The following KAZN variants were observed in gnomAD, a reference collection of about 807,000 sequenced individuals.
KAZN encodes the protein kazrin.
KAZN carries 40 observed loss-of-function variants against 87.4 expected under a neutral mutation model. That is an observed-to-expected ratio of 0.46 (90% CI 0.36 to 0.60). The LOEUF (loss-of-function observed/expected upper bound fraction) is 0.60, where lower values mean the gene tolerates loss of function less well. Ranked by LOEUF, KAZN falls within the 20% of genes least tolerant of loss-of-function variation. The pLI is 0.00. For missense variants in KAZN, 898 were observed against 1,073.9 expected, an observed-to-expected ratio of 0.84 and a Z score of 2.29; for synonymous variants, 466 against 458.3, an observed-to-expected ratio of 1.02 and a Z score of -0.22.
At chr1:14,120,007 T>G (rs1170436957) in intron 1 of KAZN, among the ~76,000 whole-genome samples, 1 of 152,180 alleles carries the variant, frequency 6.6e-6, no homozygotes, top group Non-Finnish European at 1.5e-5. Flanking sequence ...GTTCACACTC[T>G]GCTAGACTAG....
At chr1:14,871,681 T>TGTGCAC (rs756984653) in intron 1 of KAZN, among the ~76,000 whole-genome samples, 5 of 150,992 alleles carry the variant, frequency 3.3e-5, no homozygotes, top group Non-Finnish European at 7.4e-5. Context: ...TGTGTGTGTG[T>TGTGCAC]GCACCTGCAT....
intron 1 of KAZN, among the ~76,000 whole-genome samples, chr1:14,110,385 T>A (rs1644475519): frequency 6.6e-6 from 1 of 152,204 alleles, no homozygotes; most frequent in Admixed American, 6.5e-5. Context: ...TATAACTCTC[T>A]AAGAATTTAG....
chr1:14,198,848 A>T (rs1646581851), intron 2 of KAZN, among the ~76,000 whole-genome samples: 2 of 152,146 alleles, frequency 1.3e-5, no homozygotes, highest in Admixed American at 6.5e-5. Context: ...GAGAAAAGGG[A>T]TGCCCAGAGA....
At chr1:15,024,992 T>C (rs1671035840) in intron 2 of KAZN, among the ~76,000 whole-genome samples, 1 of 152,106 alleles carries the variant, frequency 6.6e-6, no homozygotes, top group African/African-American at 2.4e-5. Context: ...AAAAACAAGA[T>C]GTCCTCTGCC....
At chr1:14,042,692 T>G (rs1459358104) in intron 1 of KAZN, among the ~76,000 whole-genome samples, 3 of 152,194 alleles carry the variant, frequency 2.0e-5, no homozygotes, top group African/African-American at 7.2e-5. Context: ...GGGACAGATA[T>G]TTCTTCATTT....
chr1:14,933,093 T>C lies in KAZN; in HGVS notation c.227-27591T>C, dbSNP rs7536538. Reference sequence around the variant, plus strand: ...CCGTAGTTGCAGGGTTCTGCACTATTTATTTCTTTATTTATGAGATGGAGT... The same window carrying C: ...CCGTAGTTGCAGGGTTCTGCACTATCTATTTCTTTATTTATGAGATGGAGT... On this transcript the variant is annotated intron_variant, in intron 1 of 14. Coordinates refer to ENST00000376030, the MANE Select transcript of KAZN (RefSeq NM_201628.3). 5.0e-3 allele frequency among the ~76,000 whole-genome samples: 767 copies of C among 152,230 alleles called. 3 individuals are homozygous for C. Among genetic ancestry groups the C allele is most frequent in the East Asian group, 0.03 (156 of 5,176 alleles).
intron 2 of KAZN, among the ~76,000 whole-genome samples, chr1:14,384,154 T>C (rs1267342299): frequency 6.0e-5 from 9 of 149,980 alleles, no homozygotes; most frequent in Admixed American, 2.0e-4. Context: ...GTGATTTTTG[T>C]ACATTGATTT....
rs992687185 is a variant in KAZN at position 14,738,250 on chromosome 1, C to T, written c.226+139027C>T. Among the ~76,000 whole-genome samples, 3 of 152,170 alleles carry T rather than the reference C, an allele frequency of 2.0e-5. No homozygotes were observed. In the South Asian group the frequency reaches 6.2e-4, roughly 32 times the overall value. On this transcript the variant is annotated intron_variant, in intron 1 of 14. Coordinates refer to ENST00000376030, the MANE Select transcript of KAZN (RefSeq NM_201628.3). ...TGGGATGGGAGTCCCAAAGGCACCA[C>T]CTCAATTTCAGCATGATTTGCCTGT...
chr1:14,805,071 G>C (rs545249368), intron 1 of KAZN, among the ~76,000 whole-genome samples: 41 of 152,358 alleles, frequency 2.7e-4, no homozygotes, highest in African/African-American at 9.6e-4. Context: ...AACCGTACCT[G>C]TTGTGCAAAG....
intron 1 of KAZN, among the ~76,000 whole-genome samples, chr1:14,745,526 G>T (rs994007622): frequency 5.9e-5 from 9 of 152,126 alleles, no homozygotes; most frequent in Non-Finnish European, 1.0e-4. Flanking sequence ...AAAACTGAAA[G>T]GAGGCTTTTT....
At chr1:14,254,143 G>A (rs1247354790) in intron 2 of KAZN, among the ~76,000 whole-genome samples, 1 of 152,136 alleles carries the variant, frequency 6.6e-6, no homozygotes, top group Non-Finnish European at 1.5e-5. Flanking sequence ...GAAAGAAGAG[G>A]AAGTTTTATT....
rs773120837 is a variant in KAZN, at chr1:14,468,490, G to A, written c.250-130493G>A. On this transcript the variant is annotated intron_variant, in intron 2 of 16. Coordinates refer to the KAZN transcript ENST00000636203. ...AGCCAACGTGCCCACTTTGCAGGAG[G>A]TAGTATGGATTCAGCACAGTCCCAG... Among the ~76,000 whole-genome samples the A allele has an allele frequency of 2.6e-5, 4 of 152,280 alleles. No homozygotes were observed. In the South Asian group the frequency reaches 8.3e-4, roughly 32 times the overall value.
In KAZN at chr1:14,184,556, C is replaced by T. The variant is rs979011829; in HGVS notation, c.249+3964C>T. Among the ~76,000 whole-genome samples, 2 of 152,126 alleles carry T rather than the reference C, an allele frequency of 1.3e-5. No individual in the cohort carries two copies. The highest frequency in any genetic ancestry group is 4.8e-5 in the African/African-American group (2 of 41,418). On this transcript the variant is annotated intron_variant, in intron 2 of 16. Coordinates refer to the KAZN transcript ENST00000636203. This position sits in a 1 kb window ranked among gnomAD's most constrained non-coding sequence, Gnocchi z 4.2. ...GAAACCTGGCATTTAGGAGGCAGAT[C>T]GGGAGCCCTGCCAGGATCAGACACT...
chr1:14,303,095 A>G (rs1434404998), intron 2 of KAZN, among the ~76,000 whole-genome samples: 1 of 152,168 alleles, frequency 6.6e-6, no homozygotes, highest in African/African-American at 2.4e-5. Flanking sequence ...TTAGGACCCT[A>G]TCCCTGCTTG....
intron 1 of KAZN, among the ~76,000 whole-genome samples, chr1:14,026,913 G>A (rs1188165967): frequency 6.6e-6 from 1 of 152,128 alleles, no homozygotes; most frequent in Non-Finnish European, 1.5e-5. Flanking sequence ...TGGGGGAAGT[G>A]ACATCCAAAC....
intron 1 of KAZN, among the ~76,000 whole-genome samples, chr1:14,154,169 A>C (rs1033814988): frequency 1.3e-5 from 2 of 152,038 alleles, no homozygotes; most frequent in African/African-American, 4.8e-5. Flanking sequence ...GATCCTCTTC[A>C]ATTTCTTTCG....
At chr1:14,723,565 T>C (rs977977676) in intron 1 of KAZN, among the ~76,000 whole-genome samples, 3 of 152,186 alleles carry the variant, frequency 2.0e-5, no homozygotes, top group Non-Finnish European at 4.4e-5. Flanking sequence ...TACTGGAACA[T>C]TGGAACTCTA....
chr1:14,377,524 T>G (rs1661012963), intron 2 of KAZN, among the ~76,000 whole-genome samples: 1 of 152,182 alleles, frequency 6.6e-6, no homozygotes, highest in South Asian at 2.1e-4. Flanking sequence ...CAATCTCGAC[T>G]CCTCATACTC....
intron 2 of KAZN, among the ~76,000 whole-genome samples, chr1:14,462,330 C>A (rs1469680681): frequency 6.6e-6 from 1 of 151,990 alleles, no homozygotes; most frequent in Non-Finnish European, 1.5e-5. Flanking sequence ...AAACCTGGGT[C>A]CTGGAAGCTT....
Sources: allele counts gnomAD v4.1 joint callset (sites outside exome capture counted in the v4.1 genomes callset), GRCh38; gene constraint gnomAD v4.1.1; non-coding constraint Gnocchi (gnomAD v3.1); transcripts MANE v1.5; gene names NCBI Gene and HGNC (gene_info 2026-07-23, HGNC 2026-07-21).